CDH12: variants seen among roughly 807,000 people sequenced by gnomAD.
CDH12 encodes the protein cadherin-12.
In CDH12, 41 loss-of-function variants were observed where a neutral mutation model predicts 74.1. The ratio of observed to expected loss-of-function variants is 0.55; its 90% CI spans 0.43 to 0.72. CDH12 has a LOEUF of 0.72. CDH12 is among the 30% of genes least tolerant of loss of function. CDH12 has a pLI of 0.00. For missense variants in CDH12, 945 were observed against 977.2 expected, an observed-to-expected ratio of 0.97 and a Z score of 0.44; for synonymous variants, 399 against 355.0, an observed-to-expected ratio of 1.12 and a Z score of -1.39.
At chr5:22,276,016 T>C (rs551355537) in intron 3 of CDH12, among the ~76,000 whole-genome samples, 134 of 152,302 alleles carry the variant, frequency 8.8e-4, no homozygotes, top group Admixed American at 1.7e-3. Context: ...ATTGTTGGAA[T>C]TGCATAAAAA....
chr5:22,619,821 T>C (rs1173120776), intron 1 of CDH12, among the ~76,000 whole-genome samples: 1 of 152,136 alleles, frequency 6.6e-6, no homozygotes, highest in African/African-American at 2.4e-5. Context: ...AATTCATCCT[T>C]GCTTGTATTG....
intron 6 of CDH12, chr5:21,883,079 C>T: frequency 1.2e-6 from 2 of 1,608,300 alleles, no homozygotes; most frequent in South Asian, 1.1e-5. Flanking sequence ...AACCTGTGAC[C>T]ACCCCTGAAG....
rs568139109 is a variant in CDH12 at position 22,801,636 on chromosome 5, CATATATATATATATATATATATATATAT to C, written c.-523+51394_-523+51421del. Among the ~76,000 whole-genome samples, 220 of 50,894 alleles carry C rather than the reference CATATATATATATATATATATATATATAT, an allele frequency of 4.3e-3. 2 individuals carry two copies. Among genetic ancestry groups the C allele is most frequent in the Non-Finnish European group, 6.7e-3 (175 of 26,056 alleles). The allele number at this position is 50,894 out of a possible 152,430, so 33.4% of individuals were successfully genotyped here. Reference sequence around the variant, plus strand: ...TTACAATTACCTTCACTCTGCTTATCATATATATATATATATATATATATATATATATATATATATATATATATACACT... The same window carrying C: ...TTACAATTACCTTCACTCTGCTTATCATATATATATATATATATATACACT... On this transcript the variant is annotated intron_variant, in intron 1 of 14. Transcript: ENST00000382254.
intron 1 of CDH12, among the ~76,000 whole-genome samples, chr5:22,574,250 T>C (rs1739674596): frequency 6.6e-6 from 1 of 151,924 alleles, no homozygotes; most frequent in African/African-American, 2.4e-5. Context: ...TGGCTAATTT[T>C]TGTATTTCTA....
intron 3 of CDH12, among the ~76,000 whole-genome samples, chr5:22,338,665 T>TATCTC (rs1273241020): frequency 6.6e-6 from 1 of 152,198 alleles, no homozygotes; most frequent in African/African-American, 2.4e-5. Flanking sequence ...TGTACCAGAA[T>TATCTC]ATCTCATGTA....
intron 6 of CDH12, among the ~76,000 whole-genome samples, chr5:21,900,864 CTAAA>C (rs1418624227): frequency 6.6e-6 from 1 of 152,116 alleles, no homozygotes; most frequent in East Asian, 1.9e-4. Context: ...AAACCTCTGC[CTAAA>C]TAAAGATGAT....
chr5:22,376,648 C>T (rs1741536568), intron 3 of CDH12, among the ~76,000 whole-genome samples: 1 of 150,528 alleles, frequency 6.6e-6, no homozygotes, highest in Admixed American at 6.7e-5. Context: ...TTATGAATAG[C>T]TGGGACTACA....
intron 2 of CDH12, among the ~76,000 whole-genome samples, chr5:22,458,005 A>C (rs1402358625): frequency 6.6e-6 from 1 of 151,928 alleles, no homozygotes; most frequent in African/African-American, 2.4e-5. Context: ...GGCCTCCCAA[A>C]GTGCTGGGAT....
At chr5:22,450,675 T>C (rs1467695383) in intron 2 of CDH12, among the ~76,000 whole-genome samples, 4 of 151,934 alleles carry the variant, frequency 2.6e-5, no homozygotes, top group African/African-American at 9.7e-5. Flanking sequence ...TCTTTAGTAT[T>C]TTAAAACATA....
rs188772749 is a variant in CDH12 at position 22,675,165 on chromosome 5, A to G, written c.-522-169801T>C. On this transcript the variant is annotated intron_variant, in intron 1 of 14. Transcript: ENST00000382254. The stretch of plus-strand genomic sequence containing the variant: ...GTCACAGGCCCAGAAGTTTAGGAGG[A>G]AAACATGGTTTCGTGGGCCAGGCCC... 2.5e-4 allele frequency among the ~76,000 whole-genome samples: 38 copies of G among 152,256 alleles called. No individual in the cohort carries two copies. In the East Asian group the frequency reaches 7.4e-3, roughly 30 times the overall value.
chr5:21,792,755 A>G (rs1283885243), intron 10 of CDH12, among the ~76,000 whole-genome samples: 1 of 151,662 alleles, frequency 6.6e-6, no homozygotes, highest in African/African-American at 2.4e-5. Context: ...ATCTTTGACA[A>G]GAACTTCTTC....
chr5:22,740,546 G>T (rs1744975805), intron 1 of CDH12, among the ~76,000 whole-genome samples: 1 of 151,960 alleles, frequency 6.6e-6, no homozygotes, highest in African/African-American at 2.4e-5. Flanking sequence ...TGTTTAAAAT[G>T]TGTGTTTCAA....
chr5:21,884,129 G>A, intron 6 of CDH12: 1 of 1,491,044 alleles, frequency 6.7e-7, no homozygotes, highest in South Asian at 1.1e-5. Flanking sequence ...TTATGAATAT[G>A]GTAGAAAAAG....
intron 1 of CDH12, among the ~76,000 whole-genome samples, chr5:22,707,617 G>C (rs1373583258): frequency 6.6e-6 from 1 of 152,094 alleles, no homozygotes; most frequent in African/African-American, 2.4e-5. Context: ...TACTGATTTG[G>C]TGAGGAAATA....
rs181384895 is a variant in CDH12 at position 22,645,124 on chromosome 5, A to C, written c.-522-139760T>G. On this transcript the variant is annotated intron_variant, in intron 1 of 14. Transcript: ENST00000382254. ...CACTTTCAAGTAGTATTATTTAAGA[A>C]ATACATTTTGTAAAGCAATAGTTGC... Among the ~76,000 whole-genome samples, 177 of 152,256 alleles carry C rather than the reference A, an allele frequency of 1.2e-3. 1 individual carries two copies. Among genetic ancestry groups the C allele is most frequent in the Admixed American group, 4.1e-3 (62 of 15,272 alleles).
intron 2 of CDH12, among the ~76,000 whole-genome samples, chr5:22,471,983 A>G (rs139189320): frequency 6.6e-6 from 1 of 152,210 alleles, no homozygotes; most frequent in Non-Finnish European, 1.5e-5. Context: ...CAAGGAGAAC[A>G]GTAAGAAGGT....
chr5:21,888,009 T>C (rs1752718806), intron 6 of CDH12, among the ~76,000 whole-genome samples: 1 of 151,888 alleles, frequency 6.6e-6, no homozygotes, highest in Admixed American at 6.6e-5. Context: ...AAACAAAAAG[T>C]CTGAGTATAA....
chr5:22,489,101 A>AGGCT (rs1204295328), intron 2 of CDH12, among the ~76,000 whole-genome samples: 1 of 51,916 alleles, frequency 1.9e-5, no homozygotes, highest in Non-Finnish European at 3.7e-5. Context: ...TCTGTTGCCC[A>AGGCT]GGCTGGAGTG....
intron 6 of CDH12, among the ~76,000 whole-genome samples, chr5:21,899,950 T>C (rs562555921): frequency 1.3e-5 from 2 of 152,186 alleles, no homozygotes; most frequent in South Asian, 4.1e-4. Context: ...AATTTTATAA[T>C]CCTCAAGTTA....
Sources: allele counts gnomAD v4.1 joint callset (sites outside exome capture counted in the v4.1 genomes callset), GRCh38; gene constraint gnomAD v4.1.1; transcripts MANE v1.5; gene names NCBI Gene and HGNC (gene_info 2026-07-23, HGNC 2026-07-21).